CFAP300: variants seen among roughly 807,000 people sequenced by gnomAD.
The protein encoded by CFAP300 is cilia and flagella associated protein 300, also known as cilia- and flagella-associated protein 300.
Under a neutral mutation model 33.0 loss-of-function variants are expected in CFAP300, and 32 were observed. That is an observed-to-expected ratio of 0.97 (90% CI 0.73 to 1.30). CFAP300 has a LOEUF of 1.30. Among genes scored for constraint, CFAP300 ranks in the 50% most tolerant of loss-of-function variants. CFAP300 has a pLI of 0.00. For synonymous variants in CFAP300, 102 were observed against 106.8 expected (o/e 0.95, Z 0.28); for missense variants, 356 against 318.1 (o/e 1.12, Z -0.90).
Position 102,083,259 on chromosome 11 carries a change from T to C in CFAP300, c.*60T>C. Reference sequence around the variant, plus strand: ...ATTTATCATTTTTCTATCTTAATACTAACTTATAGATAAACATATACTTTG... The same window carrying C: ...ATTTATCATTTTTCTATCTTAATACCAACTTATAGATAAACATATACTTTG... On this transcript the variant is annotated 3_prime_UTR_variant, in exon 7 of 7. Transcript: ENST00000434758. The C allele has an allele frequency of 8.1e-7, 1 of 1,232,758 alleles. No homozygotes were observed. Among genetic ancestry groups the C allele is most frequent in the Non-Finnish European group, 1.1e-6 (1 of 943,258 alleles). The allele number at this position is 1,232,758 out of a possible 1,614,324, so 76.4% of individuals were successfully genotyped here. A position where few individuals can be genotyped will look rare whatever the true frequency, so the allele number is the denominator to read the frequency against.
chr11:102,078,462 T>C (rs950157876), intron 5 of CFAP300, among the ~76,000 whole-genome samples: 8 of 152,214 alleles, frequency 5.3e-5, no homozygotes, highest in Admixed American at 1.3e-4. Context: ...TAGAACACCA[T>C]AGAGCACTAA....
intron 2 of CFAP300, chr11:102,058,003 G>T (rs563491851): frequency 1.3e-5 from 2 of 152,380 alleles, no homozygotes; most frequent in African/African-American, 2.4e-5. Context: ...GGAGAAAGGG[G>T]TGATGGTGGC....
intron 3 of CFAP300, among the ~76,000 whole-genome samples, chr11:102,064,462 CATAGCTTTTGCA>C (rs1321208079): frequency 4.6e-5 from 7 of 152,180 alleles, no homozygotes; most frequent in Admixed American, 4.6e-4. Context: ...TTCTTAGCAG[CATAGCTTTTGCA>C]ATTACTGAGG....
At chr11:102,050,579 A>G (rs983771282) in intron 2 of CFAP300, among the ~76,000 whole-genome samples, 1 of 152,236 alleles carries the variant, frequency 6.6e-6, no homozygotes, top group East Asian at 1.9e-4. Flanking sequence ...AATTAAAGGG[A>G]GGGAAATACC....
rs1462007271 is a variant in CFAP300 at position 102,047,575 on chromosome 11, C to T, written c.105C>T (p.Arg35=). The change falls in exon 1 of 7, where the codon CGC becomes CGT. Residue 35 remains arginine (R), a synonymous_variant. Transcript: ENST00000434758. ...LSSKEITSRL[R]QWSMLGRIKA... is the part of the protein sequence containing the mutation. ...CTAAGGAGATCACCAGCCGGCTCCG[C>T]CAGTGGTGAGGAACCGAGGCACAGG... 13 of 1,535,802 alleles carry T rather than the reference C, an allele frequency of 8.5e-6. No individual in the cohort carries two copies. The highest frequency in any genetic ancestry group is 3.3e-4 in the Middle Eastern group (2 of 6,010).
At chr11:102,068,961 A>G (rs1942269620) in intron 4 of CFAP300, among the ~76,000 whole-genome samples, 1 of 152,160 alleles carries the variant, frequency 6.6e-6, no homozygotes, top group Non-Finnish European at 1.5e-5. Context: ...CTTCTCTGGC[A>G]TAAGGGTCTA....
chr11:102,077,604 G>A (rs901322061), intron 5 of CFAP300, among the ~76,000 whole-genome samples: 12 of 151,956 alleles, frequency 7.9e-5, no homozygotes, highest in African/African-American at 2.9e-4. Context: ...GAGTCTCACC[G>A]TGTCACCCAG....
rs528163546 is a variant in CFAP300 at position 102,070,206 on chromosome 11, A to G, written c.435+3555A>G. ...GTTACATGTGGCACACCCAGAGAGC[A>G]ATTAAGTATGGACTGCTTTCCCTTA... On this transcript the variant is annotated intron_variant, in intron 4 of 6. Transcript: ENST00000434758. 4.6e-5 allele frequency among the ~76,000 whole-genome samples: 7 copies of G among 152,306 alleles called. No homozygotes were observed. In the East Asian group the frequency reaches 1.2e-3, roughly 25 times the overall value.
intron 4 of CFAP300, among the ~76,000 whole-genome samples, chr11:102,067,174 C>A (rs1942241664): frequency 6.6e-6 from 1 of 152,092 alleles, no homozygotes; most frequent in African/African-American, 2.4e-5. Context: ...ACCCTGTCCA[C>A]AAAAACTACG....
chr11:102,081,211 T>C lies in CFAP300; in HGVS notation c.609-4T>C, dbSNP rs1249353303. 6.2e-7 allele frequency: 1 copy of C among 1,600,736 alleles called. No individual in the cohort carries two copies. The highest frequency in any genetic ancestry group is 8.5e-7 in the Non-Finnish European group (1 of 1,176,200). On this transcript the variant is annotated splice_region_variant and splice_polypyrimidine_tract_variant and intron_variant, in intron 5 of 6. Transcript: ENST00000434758. Reference sequence around the variant, plus strand: ...TTAAAAGCACCTTTTCTTCCTTTTTTTAGTGTTCGAAAGAATCCTCAAACC... The same window carrying C: ...TTAAAAGCACCTTTTCTTCCTTTTTCTAGTGTTCGAAAGAATCCTCAAACC...
chr11:102,076,879 A>G (rs909025464), intron 5 of CFAP300, among the ~76,000 whole-genome samples: 3 of 152,214 alleles, frequency 2.0e-5, no homozygotes, highest in Non-Finnish European at 2.9e-5. Flanking sequence ...AAATGTTTCT[A>G]TAATCTCTCT....
chr11:102,056,557 G>A (rs887288982), intron 2 of CFAP300, among the ~76,000 whole-genome samples: 2 of 152,016 alleles, frequency 1.3e-5, no homozygotes, highest in Non-Finnish European at 2.9e-5. Flanking sequence ...TTGAAATTGA[G>A]CATCTTTTCC....
At chr11:102,080,165 T>C (rs1223406999) in intron 5 of CFAP300, among the ~76,000 whole-genome samples, 1 of 152,136 alleles carries the variant, frequency 6.6e-6, no homozygotes, top group African/African-American at 2.4e-5. Context: ...AAAAATGTTT[T>C]ACAAACTGTA....
chr11:102,063,222 G>T (rs1049010294), intron 3 of CFAP300, among the ~76,000 whole-genome samples: 10 of 152,234 alleles, frequency 6.6e-5, no homozygotes, highest in Non-Finnish European at 8.8e-5. Context: ...GGGTCCAGAG[G>T]CAGAGTATCA....
At chr11:102,080,318 A>G (rs947677218) in intron 5 of CFAP300, among the ~76,000 whole-genome samples, 14 of 152,134 alleles carry the variant, frequency 9.2e-5, no homozygotes, top group Non-Finnish European at 1.5e-4. Flanking sequence ...GGGGAGAGTA[A>G]CTGAAAGAAA....
chr11:102,056,592 GT>G (rs940149022), intron 2 of CFAP300, among the ~76,000 whole-genome samples: 1 of 151,720 alleles, frequency 6.6e-6, no homozygotes, highest in Non-Finnish European at 1.5e-5. Flanking sequence ...TATTTGTGGG[GT>G]TTTTTGTTTG....
intron 4 of CFAP300, among the ~76,000 whole-genome samples, chr11:102,073,590 G>A (rs1205156958): frequency 6.6e-6 from 1 of 152,170 alleles, no homozygotes; most frequent in East Asian, 1.9e-4. Flanking sequence ...GGCAATGAGT[G>A]GAGAAAGCTC....
intron 4 of CFAP300, among the ~76,000 whole-genome samples, chr11:102,073,105 C>A (rs569576151): frequency 1.3e-5 from 2 of 152,254 alleles, no homozygotes; most frequent in East Asian, 3.9e-4. Flanking sequence ...GATTCTTGGG[C>A]CTCCACGCAG....
chr11:102,069,147 A>G (rs1014569925), intron 4 of CFAP300, among the ~76,000 whole-genome samples: 1 of 152,126 alleles, frequency 6.6e-6, no homozygotes, highest in Non-Finnish European at 1.5e-5. Context: ...GAAATGCTGG[A>G]GCTCAGTGTT....
Sources: allele counts gnomAD v4.1 joint callset (sites outside exome capture counted in the v4.1 genomes callset), GRCh38; gene constraint gnomAD v4.1.1; transcripts MANE v1.5; gene names NCBI Gene and HGNC (gene_info 2026-07-23, HGNC 2026-07-21).